HDGF: variants seen among roughly 807,000 people sequenced by gnomAD.
HDGF encodes hepatoma-derived growth factor.
Under a neutral mutation model 30.0 loss-of-function variants are expected in HDGF, and 5 were observed. The ratio of observed to expected loss-of-function variants is 0.17; its 90% CI spans 0.09 to 0.35. The LOEUF is 0.35. Among genes scored for constraint, HDGF ranks in the 10% least tolerant of loss-of-function variants. The pLI is 1.00. For missense variants in HDGF, 214 were observed against 302.8 expected (o/e 0.71, Z 2.18); for synonymous variants, 133 against 112.7 (o/e 1.18, Z -1.14).
chr1:156,752,563 A>G, upstream of HDGF: 1 of 598,144 alleles, frequency 1.7e-6, no homozygotes, highest in Admixed American at 3.0e-5. Context: ...AAGGCTTCAC[A>G]AAGGTGATGA....
upstream of HDGF, chr1:156,752,356 G>T (rs1172684687): frequency 5.2e-6 from 8 of 1,551,532 alleles, no homozygotes; most frequent in Non-Finnish European, 7.0e-6. Context: ...GCCACCTTCC[G>T]GGTGCATTCG....
upstream of HDGF, among the ~76,000 whole-genome samples, chr1:156,754,445 C>T (rs1651122802): frequency 6.6e-6 from 1 of 152,150 alleles, no homozygotes; most frequent in Non-Finnish European, 1.5e-5. Context: ...ATCTCCTAGG[C>T]GTTGGTTGCA....
intron 1 of HDGF, among the ~76,000 whole-genome samples, chr1:156,762,246 G>GA (rs544797429): frequency 2.4e-3 from 319 of 134,446 alleles, no homozygotes; most frequent in Admixed American, 2.6e-3. Flanking sequence ...TTCATATAAG[G>GA]AAAAAAAAAA....
At chr1:156,765,472 C>CTTTTTTTTTTTTTT (rs71080793) in intron 1 of HDGF, among the ~76,000 whole-genome samples, 93 of 85,980 alleles carry the variant, frequency 1.1e-3, no homozygotes, top group East Asian at 3.7e-3. Flanking sequence ...TTCTTTCTTT[C>CTTTTTTTTTTTTTT]TTTTTTTTTT....
rs1650983761 is a variant in HDGF at position 156,751,610 on chromosome 1, G to A, written c.-181C>T. Reference sequence around the variant, plus strand: ...CTCCGCCCGCGCGCCGCACGGACGGGGCGGGCGCGGATCGGGGCAAGGCTC... The same window carrying A: ...CTCCGCCCGCGCGCCGCACGGACGGAGCGGGCGCGGATCGGGGCAAGGCTC... On this transcript the variant is annotated 5_prime_UTR_variant, in exon 1 of 6. Transcript: ENST00000357325. This position sits in a 1 kb window ranked among gnomAD's most constrained non-coding sequence, Gnocchi z 4.7. 1.0e-6 allele frequency: 1 copy of A among 984,630 alleles called. No individual in the cohort carries two copies. The highest frequency in any genetic ancestry group is 4.7e-5 in the South Asian group (1 of 21,364). 61.0% of individuals were successfully genotyped at this position (984,630 alleles called of 1,614,324 possible). A position where few individuals can be genotyped will look rare whatever the true frequency, so the allele number is the denominator to read the frequency against.
At position 156,751,032 on chromosome 1, in the gene HDGF, T is replaced by G; in HGVS notation, c.87+311A>C. Among the ~76,000 whole-genome samples, 1 of 146,872 alleles carries G rather than the reference T, an allele frequency of 6.8e-6. No homozygotes were observed. Among genetic ancestry groups the G allele is most frequent in the African/African-American group, 2.5e-5 (1 of 39,276 alleles). Reference sequence around the variant, plus strand: ...ACTTCGCGCTCGAAACCTCTGGGAGTATGGGGGCTGGGGGCGGAACTGAGC... The same window carrying G: ...ACTTCGCGCTCGAAACCTCTGGGAGGATGGGGGCTGGGGGCGGAACTGAGC... On this transcript the variant is annotated intron_variant, in intron 1 of 5. Transcript: ENST00000357325. The surrounding 1 kb of genome is among the most constrained non-coding windows in gnomAD (Gnocchi z 4.7).
At chr1:156,763,941 A>C (rs12080504) in intron 1 of HDGF, among the ~76,000 whole-genome samples, 6,473 of 152,136 alleles carry the variant, frequency 0.043, 483 homozygotes, top group African/African-American at 0.15. Flanking sequence ...TCTGTCACCC[A>C]GGCTGGAGTG....
chr1:156,754,063 G>A (rs144005293), upstream of HDGF, among the ~76,000 whole-genome samples: 416 of 151,890 alleles, frequency 2.7e-3, 2 homozygotes, highest in African/African-American at 8.6e-3. Flanking sequence ...TTACAGGCAC[G>A]CGTCACCACG....
upstream of HDGF, among the ~76,000 whole-genome samples, chr1:156,754,307 A>G (rs1340510208): frequency 1.3e-5 from 2 of 152,228 alleles, no homozygotes; most frequent in South Asian, 2.1e-4. Context: ...TTGCATCATA[A>G]TAGCCAGCGT....
At chr1:156,748,211 C>T (rs1285529961) in intron 1 of HDGF, among the ~76,000 whole-genome samples, 1 of 152,184 alleles carries the variant, frequency 6.6e-6, no homozygotes, top group African/African-American at 2.4e-5. Context: ...ATTTCTAACC[C>T]TTCACCCAAA....
upstream of HDGF, among the ~76,000 whole-genome samples, chr1:156,753,952 G>A (rs529146269): frequency 2.0e-5 from 3 of 150,814 alleles, no homozygotes; most frequent in East Asian, 2.0e-4. Context: ...GTCTCGCTCT[G>A]TTCCCCGGGC....
upstream of HDGF, among the ~76,000 whole-genome samples, chr1:156,755,846 C>T (rs1428018417): frequency 6.6e-6 from 1 of 152,204 alleles, no homozygotes; most frequent in Non-Finnish European, 1.5e-5. Context: ...AGTCCTGCCA[C>T]CACCATGGAC....
At chr1:156,746,723 G>T (rs907038755) in intron 1 of HDGF, among the ~76,000 whole-genome samples, 1 of 152,114 alleles carries the variant, frequency 6.6e-6, no homozygotes, top group Non-Finnish European at 1.5e-5. Flanking sequence ...GGAAGGTGGG[G>T]CGGGTGGGGA....
chr1:156,742,569 ATG>A lies in HDGF; in HGVS notation c.*878_*879del, dbSNP rs1650204112. Reference sequence around the variant, plus strand: ...TTTTATTAAAAACATTTCCTAAAAAATGTGTCTTTTCCTTTATGTCTGGGTGA... The same window carrying A: ...TTTTATTAAAAACATTTCCTAAAAAATGTCTTTTCCTTTATGTCTGGGTGA... On this transcript the variant is annotated 3_prime_UTR_variant, in exon 6 of 6. Transcript: ENST00000357325. 3 of 152,822 alleles carry A rather than the reference ATG, an allele frequency of 2.0e-5. No individual in the cohort carries two copies. The highest frequency in any genetic ancestry group is 4.4e-5 in the Non-Finnish European group (3 of 68,204). The allele number at this position is 152,822 out of a possible 1,614,324, so 9.5% of individuals were successfully genotyped here.
At chr1:156,766,466 G>A (rs1651380648) in intron 1 of HDGF, among the ~76,000 whole-genome samples, 1 of 152,200 alleles carries the variant, frequency 6.6e-6, no homozygotes, top group African/African-American at 2.4e-5. Flanking sequence ...CAGGAAGGGG[G>A]CAGAGATGGG....
Position 156,765,085 on chromosome 1 carries a change from C to CA in HDGF, n.136+1704_136+1705insT, listed in dbSNP as rs373959360. Among the ~76,000 whole-genome samples, 11 of 151,164 alleles carry CA rather than the reference C, an allele frequency of 7.3e-5. 1 individual carries two copies. Among genetic ancestry groups the CA allele is most frequent in the African/African-American group, 2.7e-4 (11 of 41,278 alleles). ...GGGCTCTGTAATACTTTATCCGCGC[C>CA]CCCCCCGCCCTTTTTTTTTTTTTTG... On this transcript the variant is annotated intron_variant and non_coding_transcript_variant, in intron 1 of 7. Transcript: ENST00000465180.
In HDGF at chr1:156,743,722, C is replaced by T. The variant is rs778627953; in HGVS notation, c.646G>A (p.Glu216Lys). 21 of 1,603,594 alleles carry T rather than the reference C, an allele frequency of 1.3e-5. 1 individual carries two copies. Among genetic ancestry groups the T allele is most frequent in the Middle Eastern group, 3.3e-4 (2 of 6,006 alleles). Residue 216 changes from glutamate (E) to lysine (K), a missense_variant, in exon 5 of 6, where the codon GAG becomes AAG. By Grantham distance (56) the Glu-to-Lys change is moderately conservative (BLOSUM62 1). Coordinates refer to ENST00000357325, the MANE Select transcript of HDGF (RefSeq NM_004494.3). ...GCCTCTTCCTCTTCATCCTCCTCCTCTTCTTCCTCTTGGGGAGGCCCCCGG... is the reference window on the plus strand; with the variant it reads ...GCCTCTTCCTCTTCATCCTCCTCCTTTTCTTCCTCTTGGGGAGGCCCCCGG... ...SGRGPPQEEE[E>K]EEDEEEEATK...
chr1:156,751,939 TGTGCCCGCGGTCGGTGG>T (rs1368470288), upstream of HDGF: 3 of 1,146,266 alleles, frequency 2.6e-6, no homozygotes, highest in South Asian at 3.1e-5. This position sits in a 1 kb window ranked among gnomAD's most constrained non-coding sequence, Gnocchi z 4.7. Flanking sequence ...GCAGGCTTTG[TGTGCCCGCGGTCGGTGG>T]GTGCCCGCCC....
chr1:156,749,140 TG>T (rs1650797905), intron 1 of HDGF, among the ~76,000 whole-genome samples: 1 of 152,238 alleles, frequency 6.6e-6, no homozygotes, highest in African/African-American at 2.4e-5. Context: ...CCCCTCTGGC[TG>T]GGCTCTCTCT....
Sources: gnomAD v4.1 joint callset for allele counts (sites outside exome capture counted in the v4.1 genomes callset) on GRCh38, gnomAD v4.1.1 for gene constraint, Gnocchi (gnomAD v3.1) non-coding constraint, MANE v1.5 for transcripts, NCBI Gene and HGNC (gene_info 2026-07-23, HGNC 2026-07-21) for gene names.